COL27A1: variants seen among roughly 807,000 people sequenced by gnomAD.
The protein encoded by COL27A1 is collagen alpha-1(XXVII) chain.
Under a neutral mutation model 251.3 loss-of-function variants are expected in COL27A1, and 106 were observed. The ratio of observed to expected loss-of-function variants is 0.42; its 90% CI spans 0.36 to 0.50. The LOEUF (loss-of-function observed/expected upper bound fraction) is 0.50. COL27A1 is among the 20% of genes least tolerant of loss of function. The pLI, the probability that COL27A1 is intolerant of heterozygous loss-of-function variation, is 0.00. For missense variants in COL27A1, 2,325 were observed against 2,522.8 expected, an observed-to-expected ratio of 0.92 and a Z score of 1.68; for synonymous variants, 1,000 against 986.3, an observed-to-expected ratio of 1.01 and a Z score of -0.26.
At position 114,311,747 on chromosome 9, in the gene COL27A1, C is replaced by A; in HGVS notation, c.*1052C>A. 6.6e-6 allele frequency: 1 copy of A among 152,358 alleles called. No individual in the cohort carries two copies. Among genetic ancestry groups the A allele is most frequent in the Non-Finnish European group, 1.5e-5 (1 of 68,110 alleles). 9.4% of individuals were successfully genotyped at this position (152,358 alleles called of 1,614,324 possible). On this transcript the variant is annotated 3_prime_UTR_variant, in exon 61 of 61. Coordinates refer to ENST00000356083, the MANE Select transcript of COL27A1 (RefSeq NM_032888.4). Reference sequence around the variant, plus strand: ...TGAGGCTGGCCTTGGAAGGCGTGCCCTGGAGAGGTCTTGGGTGAAAACTTG... The same window carrying A: ...TGAGGCTGGCCTTGGAAGGCGTGCCATGGAGAGGTCTTGGGTGAAAACTTG...
At chr9:114,192,229 C>T (rs1002759273) in intron 5 of COL27A1, among the ~76,000 whole-genome samples, 5 of 152,180 alleles carry the variant, frequency 3.3e-5, no homozygotes, top group Admixed American at 6.5e-5. Flanking sequence ...CCTGAAGGCC[C>T]AGCCCTGAAA....
chr9:114,275,824 T>C (rs1038476703), intron 37 of COL27A1, 56 bp downstream of exon 37: 1 of 1,199,912 alleles, frequency 8.3e-7, no homozygotes, highest in South Asian at 1.4e-5. Context: ...TGAACTCTCA[T>C]GCCTGTGCAG....
At chr9:114,210,831 AT>A in intron 11 of COL27A1, 150 bp from the exon 12 acceptor site, 1 of 696,538 alleles carries the variant, frequency 1.4e-6, no homozygotes, top group Non-Finnish European at 2.5e-6. Context: ...CATCCGTCTG[AT>A]GTGCATGTCA....
At position 114,183,031 on chromosome 9, in the gene COL27A1, G is replaced by A. The variant is rs1828055337; in HGVS notation, c.1972G>A (p.Gly658Arg). The A allele has an allele frequency of 6.2e-7, 1 of 1,613,708 alleles. No homozygotes were observed. Among genetic ancestry groups the A allele is most frequent in the East Asian group, 2.2e-5 (1 of 44,882 alleles). The stretch of plus-strand genomic sequence containing the variant: ...TCCTTGTCTCTTTCAGGGTCCTCCT[G>A]GGCCTTATGGAAATCCAGGTCTCCC... The part of the protein sequence containing the change: ...PGARGPRGPP[G>R]PYGNPGLPGP... Residue 658 changes from glycine (G) to arginine (R), a missense_variant, in exon 5 of 61, where the codon GGG becomes AGG. This residue lies in a region of COL27A1 where 1,183 missense variants were observed against 1,144.1 expected (regional missense o/e 1.03). Transcript: ENST00000356083.
At chr9:114,236,126 C>CG (rs533412005) in intron 17 of COL27A1, among the ~76,000 whole-genome samples, 42 of 152,170 alleles carry the variant, frequency 2.8e-4, no homozygotes, top group African/African-American at 9.4e-4. Context: ...GCTACCCGCC[C>CG]GGGACCCCCT....
At chr9:114,180,064 T>C (rs867502429) in intron 4 of COL27A1, among the ~76,000 whole-genome samples, 17 of 152,010 alleles carry the variant, frequency 1.1e-4, no homozygotes, top group South Asian at 2.1e-4. Flanking sequence ...GGTCTCAAAC[T>C]GCTGACCTCA....
At chr9:114,250,788 C>A (rs80233139) in intron 25 of COL27A1, 120 bp downstream of exon 25, 5 of 835,534 alleles carry the variant, frequency 6.0e-6, no homozygotes, top group Non-Finnish European at 9.8e-6. Flanking sequence ...TCTCTCCTGA[C>A]CTGGCATTCT....
intron 24 of COL27A1, 29 bp from the exon 25 acceptor site, chr9:114,250,586 T>A: frequency 6.2e-7 from 1 of 1,607,808 alleles, no homozygotes; most frequent in Non-Finnish European, 8.5e-7. Context: ...TCACGTTGTT[T>A]CTCTTGCTTT....
intron 41 of COL27A1, among the ~76,000 whole-genome samples, chr9:114,285,592 T>C (rs1303756014): frequency 6.6e-6 from 1 of 152,154 alleles, no homozygotes; most frequent in East Asian, 1.9e-4. Context: ...AACTAAATCC[T>C]GCTGTTGGTG....
At position 114,282,262 on chromosome 9, in the gene COL27A1, C is replaced by T. The variant is rs1415824855; in HGVS notation, c.3718-15C>T. On this transcript the variant is annotated splice_polypyrimidine_tract_variant and intron_variant, in intron 37 of 60. Transcript: ENST00000356083. ...CTCTCATCTTTCTCTTGCTCTGTCC[C>T]TCCTCTCTCTTCAGGGTCCTGAAGG... The T allele has an allele frequency of 1.9e-6, 3 of 1,611,928 alleles. No homozygotes were observed. Among genetic ancestry groups the T allele is most frequent in the East Asian group, 2.2e-5 (1 of 44,866 alleles).
At chr9:114,156,174 GC>G (rs1225006728) in intron 1 of COL27A1, among the ~76,000 whole-genome samples, 162 bp downstream of exon 1, 1 of 150,964 alleles carries the variant, frequency 6.6e-6, no homozygotes, top group Non-Finnish European at 1.5e-5. Context: ...TAGGGGCTGC[GC>G]CCCCGGCCGG....
Position 114,290,590 on chromosome 9 carries a change from G to A in COL27A1, c.4369-220G>A, listed in dbSNP as rs188281722. On this transcript the variant is annotated intron_variant, in intron 47 of 60. Coordinates refer to ENST00000356083, the MANE Select transcript of COL27A1 (RefSeq NM_032888.4). The surrounding 1 kb of genome is among the most constrained non-coding windows in gnomAD (Gnocchi z 4.6). ...GCCTGGTGGATAGGGTTCCTCTCCCGCCCCTTCCTCACTCAGAATCCCGCC... is the reference window on the plus strand; with the variant it reads ...GCCTGGTGGATAGGGTTCCTCTCCCACCCCTTCCTCACTCAGAATCCCGCC... 3.4e-3 allele frequency among the ~76,000 whole-genome samples: 521 copies of A among 151,824 alleles called. 3 individuals carry two copies. Among genetic ancestry groups the A allele is most frequent in the African/African-American group, 0.012 (503 of 41,386 alleles).
intron 22 of COL27A1, among the ~76,000 whole-genome samples, chr9:114,243,257 T>A (rs577998994): frequency 6.6e-6 from 1 of 152,302 alleles, no homozygotes; most frequent in East Asian, 1.9e-4. Context: ...GCAGGTGTCA[T>A]CTTCCTCATT....
At chr9:114,224,125 T>C (rs1453498454) in intron 14 of COL27A1, among the ~76,000 whole-genome samples, 1 of 152,146 alleles carries the variant, frequency 6.6e-6, no homozygotes, top group East Asian at 1.9e-4. Flanking sequence ...AGCACCTTCT[T>C]TGGCACAAGG....
chr9:114,196,137 G>C (rs1271637205), intron 7 of COL27A1, 125 bp downstream of exon 7: 7 of 830,450 alleles, frequency 8.4e-6, no homozygotes, highest in Non-Finnish European at 1.5e-5. Flanking sequence ...TGGGCACAGG[G>C]TACATGGGTG....
chr9:114,233,465 C>T (rs1832108980), intron 16 of COL27A1, among the ~76,000 whole-genome samples: 1 of 152,226 alleles, frequency 6.6e-6, no homozygotes, highest in South Asian at 2.1e-4. Context: ...CTGTCTGCTA[C>T]ACCTTTCTGC....
At chr9:114,285,749 C>T (rs1006334599) in intron 41 of COL27A1, among the ~76,000 whole-genome samples, 2 of 152,342 alleles carry the variant, frequency 1.3e-5, no homozygotes, top group South Asian at 4.1e-4. Flanking sequence ...CCCTCCTGGG[C>T]CCTCGCAGCC....
intron 26 of COL27A1, 95 bp from the exon 27 acceptor site, chr9:114,252,784 C>G: frequency 6.9e-7 from 1 of 1,441,362 alleles, no homozygotes; most frequent in South Asian, 1.1e-5. Flanking sequence ...AGCTGCTGTC[C>G]TCCTGGCTTT....
At chr9:114,216,002 G>A (rs1054608608) in intron 12 of COL27A1, among the ~76,000 whole-genome samples, 3 of 152,186 alleles carry the variant, frequency 2.0e-5, no homozygotes, top group African/African-American at 7.2e-5. Context: ...CACGGTTGGG[G>A]TGGACACTTC....
Sources: gnomAD v4.1 joint callset for allele counts (sites outside exome capture counted in the v4.1 genomes callset) on GRCh38, gnomAD v4.1.1 for gene constraint, gnomAD v4.1.1 regional missense constraint, Gnocchi (gnomAD v3.1) non-coding constraint, MANE v1.5 for transcripts, NCBI Gene and HGNC (gene_info 2026-07-23, HGNC 2026-07-21) for gene names.